The following ART1 variants were observed in gnomAD, a reference collection of about 807,000 sequenced individuals.
ART1 encodes ADP-ribosyltransferase 1.
Under a neutral mutation model 27.0 loss-of-function variants are expected in ART1, and 29 were observed. The observed-to-expected ratio is 1.08, with a 90% CI of 0.80 to 1.47. The LOEUF is 1.47. Ranked by LOEUF, ART1 falls within the 40% of genes most tolerant of loss-of-function variation. The pLI, the probability that ART1 is intolerant of heterozygous loss-of-function variation, is 0.00. For missense variants in ART1, 480 were observed against 423.0 expected (o/e 1.13, Z -1.18); for synonymous variants, 201 against 172.2 (o/e 1.17, Z -1.31).
At chr11:3,653,435 T>A (rs376458100) in intron 1 of ART1, among the ~76,000 whole-genome samples, 2 of 148,448 alleles carry the variant, frequency 1.3e-5, no homozygotes, top group Non-Finnish European at 2.9e-5. Flanking sequence ...GCGCACCTTG[T>A]GACCCCCACT....
chr11:3,657,113 A>C (rs960042410), intron 1 of ART1, among the ~76,000 whole-genome samples: 3 of 152,238 alleles, frequency 2.0e-5, no homozygotes, highest in African/African-American at 7.2e-5. Flanking sequence ...GAGATGATAA[A>C]GCAGCGACGC....
At chr11:3,648,998 T>C (rs1224179550) in intron 1 of ART1, among the ~76,000 whole-genome samples, 2 of 103,008 alleles carry the variant, frequency 1.9e-5, no homozygotes, top group Non-Finnish European at 4.2e-5. Flanking sequence ...CTTATCTCTG[T>C]GCCCCATCCC....
chr11:3,645,951 C>T (rs1163344592), intron 1 of ART1, among the ~76,000 whole-genome samples: 1 of 152,120 alleles, frequency 6.6e-6, no homozygotes, highest in East Asian at 1.9e-4. Context: ...TTCTGCACTA[C>T]AGAAGCCAAG....
chr11:3,648,332 G>C (rs1414560254), intron 1 of ART1, among the ~76,000 whole-genome samples: 1 of 152,130 alleles, frequency 6.6e-6, no homozygotes, highest in African/African-American at 2.4e-5. Context: ...CTCAGATCGG[G>C]GGACCTCCCT....
intron 1 of ART1, among the ~76,000 whole-genome samples, chr11:3,651,013 TC>T (rs1416375739): frequency 6.6e-6 from 1 of 151,882 alleles, no homozygotes; most frequent in Non-Finnish European, 1.5e-5. Context: ...CTATAAACTC[TC>T]CTTACCATTC....
chr11:3,655,864 A>T (rs2077570412), intron 1 of ART1, among the ~76,000 whole-genome samples: 1 of 151,650 alleles, frequency 6.6e-6, no homozygotes, highest in Admixed American at 6.6e-5. Context: ...GAAAGTGAGG[A>T]ACTAGTAACA....
chr11:3,662,498 C>T (rs748515286), intron 4 of ART1, among the ~76,000 whole-genome samples: 1 of 152,230 alleles, frequency 6.6e-6, no homozygotes, highest in Admixed American at 6.5e-5. Context: ...TCACCACACC[C>T]CAGTGGTACT....
At chr11:3,662,874 T>A in intron 4 of ART1, among the ~76,000 whole-genome samples, 1 of 151,752 alleles carries the variant, frequency 6.6e-6, no homozygotes, top group East Asian at 1.9e-4. Context: ...ACAAAAAAAA[T>A]CAAAGGTGCA....
chr11:3,662,561 G>C (rs773594254), intron 4 of ART1, among the ~76,000 whole-genome samples: 1 of 152,088 alleles, frequency 6.6e-6, no homozygotes, highest in Non-Finnish European at 1.5e-5. Flanking sequence ...GGGGCAAAGA[G>C]AGGCCGGGTG....
intron 1 of ART1, among the ~76,000 whole-genome samples, chr11:3,646,885 T>G (rs1447685612): frequency 6.6e-6 from 1 of 152,216 alleles, no homozygotes; most frequent in Non-Finnish European, 1.5e-5. Flanking sequence ...ATGAGCAAGA[T>G]GAGCTTTTCA....
intron 1 of ART1, among the ~76,000 whole-genome samples, chr11:3,655,113 C>A (rs1053941365): frequency 6.6e-6 from 1 of 152,164 alleles, no homozygotes; most frequent in Non-Finnish European, 1.5e-5. Flanking sequence ...CTCAGGCCGC[C>A]GGTCTGGCTC....
chr11:3,657,238 CA>C (rs1183926720), intron 1 of ART1, among the ~76,000 whole-genome samples: 1 of 152,044 alleles, frequency 6.6e-6, no homozygotes, highest in African/African-American at 2.4e-5. Context: ...TATCAGATTC[CA>C]AAACATAAAG....
intron 1 of ART1, among the ~76,000 whole-genome samples, chr11:3,655,298 A>G (rs1389334089): frequency 1.3e-5 from 2 of 149,292 alleles, no homozygotes; most frequent in African/African-American, 2.4e-5. Context: ...AGTGATCCCA[A>G]GAAATACAAG....
At chr11:3,653,562 C>A (rs1043243417) in intron 1 of ART1, among the ~76,000 whole-genome samples, 9 of 152,110 alleles carry the variant, frequency 5.9e-5, no homozygotes, top group Non-Finnish European at 8.8e-5. Context: ...CTCAGTCCAC[C>A]TGCACTCAGG....
At chr11:3,658,928 CTT>C (rs2077595590) in intron 1 of ART1, among the ~76,000 whole-genome samples, 1 of 152,174 alleles carries the variant, frequency 6.6e-6, no homozygotes, top group African/African-American at 2.4e-5. Context: ...AAACACCAGT[CTT>C]TTCTCTCCCA....
At chr11:3,649,986 A>G (rs531055997) in intron 1 of ART1, among the ~76,000 whole-genome samples, 1 of 152,332 alleles carries the variant, frequency 6.6e-6, no homozygotes, top group South Asian at 2.1e-4. Context: ...CAAAAATTAA[A>G]TTCCGGCCCT....
chr11:3,652,141 A>G (rs1359199383), intron 1 of ART1, among the ~76,000 whole-genome samples: 3 of 150,246 alleles, frequency 2.0e-5, no homozygotes, highest in Non-Finnish European at 4.4e-5. Flanking sequence ...ATTTGCCCCC[A>G]CCCAGGACGG....
At chr11:3,651,787 C>A (rs571171973) in intron 1 of ART1, among the ~76,000 whole-genome samples, 4 of 151,824 alleles carry the variant, frequency 2.6e-5, no homozygotes, top group East Asian at 1.9e-4. Flanking sequence ...GACTTCAATC[C>A]GGCCTCCCAC....
At position 3,659,928 on chromosome 11, in the gene ART1, G is replaced by A; in HGVS notation, c.409G>A (p.Glu137Lys). The change falls in exon 3 of 5, where the codon GAG (glutamate) becomes AAG (lysine). Residue 137 changes from glutamate to lysine, a missense_variant. By Grantham distance (56) the Glu-to-Lys change is moderately conservative. Transcript: ENST00000250693. The part of the protein sequence containing the change: ...LHKEFNAAVR[E>K]AGRSRAHYLH... ...CAAGGAGTTCAATGCAGCCGTGCGT[G>A]AGGCGGGCCGCTCCCGGGCCCACTA... The A allele has an allele frequency of 6.2e-7, 1 of 1,613,460 alleles. No individual in the cohort carries two copies.
Sources: allele counts gnomAD v4.1 joint callset (sites outside exome capture counted in the v4.1 genomes callset), GRCh38; gene constraint gnomAD v4.1.1; transcripts MANE v1.5; gene names NCBI Gene and HGNC (gene_info 2026-07-23, HGNC 2026-07-21).